ENTHD1: variants seen among roughly 807,000 people sequenced by gnomAD.
ENTHD1 encodes the protein ENTH domain containing 1.
In ENTHD1, 23 loss-of-function variants were observed where a neutral mutation model predicts 39.1. That is an observed-to-expected ratio of 0.59 (90% CI 0.42 to 0.83). ENTHD1 has a LOEUF of 0.83. Ranked by LOEUF, ENTHD1 falls within the 40% of genes least tolerant of loss-of-function variation. The pLI, the probability that ENTHD1 is intolerant of heterozygous loss-of-function variation, is 0.00. For synonymous variants in ENTHD1, 230 were observed against 258.2 expected, an observed-to-expected ratio of 0.89 and a Z score of 1.05; for missense variants, 624 against 705.4, an observed-to-expected ratio of 0.88 and a Z score of 1.31.
chr22:39,800,059 T>C (rs189169202), intron 5 of ENTHD1, among the ~76,000 whole-genome samples: 70 of 152,322 alleles, frequency 4.6e-4, no homozygotes, highest in African/African-American at 1.7e-3. Context: ...TTGCAGTCTC[T>C]AGGCAGCTCC....
chr22:39,783,981 A>AAAG (rs1352682655), intron 5 of ENTHD1, among the ~76,000 whole-genome samples: 1 of 152,216 alleles, frequency 6.6e-6, no homozygotes, highest in Non-Finnish European at 1.5e-5. Flanking sequence ...AATGGGACAA[A>AAAG]ATATTTGCAA....
intron 4 of ENTHD1, among the ~76,000 whole-genome samples, chr22:39,833,561 T>G (rs2065886367): frequency 6.6e-6 from 1 of 151,680 alleles, no homozygotes; most frequent in African/African-American, 2.4e-5. Flanking sequence ...ATAGTTGAAA[T>G]AGAGAATATA....
intron 5 of ENTHD1, among the ~76,000 whole-genome samples, chr22:39,789,927 T>TA (rs1296841646): frequency 1.3e-5 from 2 of 151,868 alleles, no homozygotes; most frequent in Non-Finnish European, 2.9e-5. Context: ...ATTTGAGCAG[T>TA]AAACCAAAGG....
intron 4 of ENTHD1, among the ~76,000 whole-genome samples, chr22:39,828,999 A>C (rs957847643): frequency 4.6e-5 from 7 of 152,200 alleles, no homozygotes; most frequent in Non-Finnish European, 7.3e-5. Context: ...TTTTTAAGAG[A>C]TATTTTAAGC....
In ENTHD1 at chr22:39,743,914, G is replaced by T; in HGVS notation, c.1589C>A (p.Ser530Tyr). 1 of 1,614,118 alleles carries T rather than the reference G, an allele frequency of 6.2e-7. No individual in the cohort carries two copies. Among genetic ancestry groups the T allele is most frequent in the Non-Finnish European group, 8.5e-7 (1 of 1,179,992 alleles). The change falls in exon 7 of 7, where the codon TCT becomes TAT. Residue 530 changes from serine (S) to tyrosine (Y), a missense_variant. Ser to Tyr is a moderately radical substitution (Grantham distance 144, BLOSUM62 -2). Transcript: ENST00000325157. Reference sequence around the variant, plus strand: ...GAAGTCTTTGGTTGACTGAAAACCAGAACAGGACAGAGGGATGAACTGGTC... The same window carrying T: ...GAAGTCTTTGGTTGACTGAAAACCATAACAGGACAGAGGGATGAACTGGTC... The part of the protein sequence containing the change: ...NVDQFIPLSC[S>Y]GFQSTKDFPQ...
chr22:39,816,221 G>C (rs566643680), intron 5 of ENTHD1, among the ~76,000 whole-genome samples: 1 of 152,148 alleles, frequency 6.6e-6, no homozygotes, highest in South Asian at 2.1e-4. Flanking sequence ...ATGGAAATTA[G>C]AACCATCTGT....
chr22:39,892,719 T>G (rs1314029703), intron 1 of ENTHD1, among the ~76,000 whole-genome samples: 1 of 152,196 alleles, frequency 6.6e-6, no homozygotes, highest in Non-Finnish European at 1.5e-5. Context: ...GAGCTATCTC[T>G]GAAAAGATGC....
chr22:39,863,839 G>C (rs1296748499), intron 2 of ENTHD1, among the ~76,000 whole-genome samples: 1 of 152,228 alleles, frequency 6.6e-6, no homozygotes, highest in African/African-American at 2.4e-5. Flanking sequence ...GGCCAACGAT[G>C]TTCTCTCACT....
intron 2 of ENTHD1, among the ~76,000 whole-genome samples, chr22:39,870,297 C>T (rs899542546): frequency 3.9e-5 from 6 of 152,022 alleles, no homozygotes; most frequent in Admixed American, 1.3e-4. Flanking sequence ...GTATGAGCCA[C>T]CGTGTCCAGC....
chr22:39,829,328 T>C (rs2065849038), intron 4 of ENTHD1, among the ~76,000 whole-genome samples: 1 of 151,526 alleles, frequency 6.6e-6, no homozygotes, highest in Non-Finnish European at 1.5e-5. Flanking sequence ...TAACACTGAG[T>C]TTCTCTGAAG....
intron 5 of ENTHD1, among the ~76,000 whole-genome samples, chr22:39,782,532 C>A (rs2065418757): frequency 6.6e-6 from 1 of 152,082 alleles, no homozygotes; most frequent in Admixed American, 6.6e-5. Flanking sequence ...AGGCAAATAT[C>A]ACTAATGAAT....
intron 2 of ENTHD1, chr22:39,875,953 T>C: frequency 1.2e-6 from 2 of 1,613,994 alleles, no homozygotes; most frequent in East Asian, 2.2e-5. Context: ...CTCATCTTGG[T>C]TGTGTACCCA....
intron 6 of ENTHD1, among the ~76,000 whole-genome samples, chr22:39,758,739 C>A (rs1451884425): frequency 6.6e-6 from 1 of 152,116 alleles, no homozygotes; most frequent in Non-Finnish European, 1.5e-5. Flanking sequence ...AAAGTATACC[C>A]TTTAAAAATA....
chr22:39,878,077 G>A (rs753768359), intron 2 of ENTHD1, among the ~76,000 whole-genome samples: 5 of 152,190 alleles, frequency 3.3e-5, no homozygotes, highest in Non-Finnish European at 7.4e-5. Context: ...ATGCAGCATA[G>A]ATGGGTGATG....
intron 3 of ENTHD1, among the ~76,000 whole-genome samples, chr22:39,849,309 A>G (rs1196345608): frequency 1.3e-5 from 2 of 152,194 alleles, no homozygotes; most frequent in African/African-American, 4.8e-5. Flanking sequence ...CCCAGGGGAC[A>G]TTTGGCAATG....
At chr22:39,793,952 T>C (rs769849824) in intron 5 of ENTHD1, among the ~76,000 whole-genome samples, 3 of 152,220 alleles carry the variant, frequency 2.0e-5, no homozygotes, top group Non-Finnish European at 2.9e-5. Context: ...GACTCTTGTT[T>C]GGTTTCATGT....
At chr22:39,786,923 C>T (rs531195552) in intron 5 of ENTHD1, among the ~76,000 whole-genome samples, 56 of 152,352 alleles carry the variant, frequency 3.7e-4, no homozygotes, top group African/African-American at 1.3e-3. Context: ...TGCACACACA[C>T]GCATACCTCA....
intron 4 of ENTHD1, among the ~76,000 whole-genome samples, chr22:39,822,287 T>C (rs2065789198): frequency 6.6e-6 from 1 of 151,992 alleles, no homozygotes; most frequent in Non-Finnish European, 1.5e-5. Context: ...TCGATAACTT[T>C]TATCATATGA....
At chr22:39,810,485 A>C (rs1337077904) in intron 5 of ENTHD1, among the ~76,000 whole-genome samples, 1 of 152,184 alleles carries the variant, frequency 6.6e-6, no homozygotes, top group East Asian at 1.9e-4. Flanking sequence ...CATGGAGTTC[A>C]GGTTATTAGG....
Sources: allele counts gnomAD v4.1 joint callset (sites outside exome capture counted in the v4.1 genomes callset), GRCh38; gene constraint gnomAD v4.1.1; transcripts MANE v1.5; gene names NCBI Gene and HGNC (gene_info 2026-07-23, HGNC 2026-07-21).